Variants in PIAS2 observed in about 807,000 individuals in gnomAD.
PIAS2 encodes E3 SUMO-protein ligase PIAS2.
A neutral mutation model predicts 69.7 loss-of-function variants in PIAS2; 19 were observed. The ratio of observed to expected loss-of-function variants is 0.27; its 90% CI spans 0.19 to 0.40. The LOEUF (loss-of-function observed/expected upper bound fraction) is 0.40, where lower values mean the gene tolerates loss of function less well. Among genes scored for constraint, PIAS2 ranks in the 10% least tolerant of loss-of-function variants. PIAS2 has a pLI of 1.00. For synonymous variants in PIAS2, 261 were observed against 263.2 expected, an observed-to-expected ratio of 0.99 and a Z score of 0.08; for missense variants, 624 against 757.0, an observed-to-expected ratio of 0.82 and a Z score of 2.06.
At chr18:46,839,749 C>G (rs2045032830) in intron 8 of PIAS2, among the ~76,000 whole-genome samples, 1 of 151,652 alleles carries the variant, frequency 6.6e-6, no homozygotes, top group South Asian at 2.1e-4. Context: ...CCTGTAATCC[C>G]AGCTACTCGG....
chr18:46,916,125 A>C (rs2057846230), intron 1 of PIAS2, among the ~76,000 whole-genome samples: 1 of 152,188 alleles, frequency 6.6e-6, no homozygotes, highest in African/African-American at 2.4e-5. Flanking sequence ...ATTATTTTTG[A>C]AACAGCAGGA....
rs144496272 is a variant in PIAS2 at position 46,855,944 on chromosome 18, A to C, written c.585-329T>G. Among the ~76,000 whole-genome samples the C allele has an allele frequency of 6.2e-3, 937 of 150,184 alleles. 7 individuals carry two copies. The highest frequency in any genetic ancestry group is 0.022 in the African/African-American group (879 of 40,748). On this transcript the variant is annotated intron_variant, in intron 3 of 13. Transcript: ENST00000585916. ...GTTCGGAAAGAGTTTTAATCAGCAA[A>C]TCTATTTGCTTAGAGCATTCTAATC...
chr18:46,818,034 A>C (rs1451881526), intron 12 of PIAS2: 2 of 990,738 alleles, frequency 2.0e-6, no homozygotes, highest in East Asian at 2.2e-4. Context: ...AAAATGCTCA[A>C]TTACTTTTAA....
intron 11 of PIAS2, among the ~76,000 whole-genome samples, chr18:46,824,031 T>A (rs1331293773): frequency 6.6e-6 from 1 of 152,222 alleles, no homozygotes; most frequent in East Asian, 1.9e-4. Flanking sequence ...TACTGCCTCT[T>A]CATAGGATTG....
chr18:46,887,492 T>C (rs911364597), intron 2 of PIAS2, among the ~76,000 whole-genome samples: 3 of 152,248 alleles, frequency 2.0e-5, no homozygotes, highest in African/African-American at 7.2e-5. Flanking sequence ...TATGAAATGT[T>C]ACTTCCCAAT....
chr18:46,886,082 G>A (rs765737562), intron 2 of PIAS2, among the ~76,000 whole-genome samples: 22 of 152,146 alleles, frequency 1.4e-4, no homozygotes, highest in Non-Finnish European at 1.0e-4. Context: ...GAGTACCACT[G>A]AGCAAAAGCC....
chr18:46,842,518 G>A (rs2045571841), intron 8 of PIAS2, among the ~76,000 whole-genome samples: 1 of 152,126 alleles, frequency 6.6e-6, no homozygotes, highest in Non-Finnish European at 1.5e-5. Context: ...TCCCCATATG[G>A]TGACTGTATG....
At chr18:46,855,789 C>T (rs1401699562) in intron 3 of PIAS2, among the ~76,000 whole-genome samples, 174 bp from the exon 4 acceptor site, 1 of 152,098 alleles carries the variant, frequency 6.6e-6, no homozygotes, top group Non-Finnish European at 1.5e-5. Flanking sequence ...TGATGATAAA[C>T]CTGACTTGCT....
intron 1 of PIAS2, among the ~76,000 whole-genome samples, chr18:46,897,269 T>A (rs1000788368): frequency 6.6e-6 from 1 of 152,092 alleles, no homozygotes. Context: ...CCAGACTCCT[T>A]GGGGAAATAA....
At chr18:46,877,419 C>G (rs577549234) in intron 2 of PIAS2, among the ~76,000 whole-genome samples, 11 of 152,160 alleles carry the variant, frequency 7.2e-5, no homozygotes, top group African/African-American at 1.9e-4. Flanking sequence ...ACTTCTCCTG[C>G]GAGTCCCAAT....
chr18:46,920,058 C>T (rs1439871891), upstream of PIAS2: 5 of 1,289,412 alleles, frequency 3.9e-6, no homozygotes, highest in Non-Finnish European at 5.1e-6. Flanking sequence ...CTGAAACTTA[C>T]GTGCAGTGTT....
intron 10 of PIAS2, 22 bp from the exon 11 acceptor site, chr18:46,828,152 G>C (rs748891140): frequency 8.1e-5 from 126 of 1,556,756 alleles, no homozygotes; most frequent in Non-Finnish European, 1.1e-4. Context: ...GAAACAAAAG[G>C]AAAAAAAAAT....
chr18:46,816,446 G>T (rs1197259050), intron 12 of PIAS2: 1 of 984,832 alleles, frequency 1.0e-6, no homozygotes, highest in South Asian at 4.7e-5. Context: ...GATTTCTAAA[G>T]CCTTTTTGAA....
chr18:46,887,794 G>T (rs2053448909), intron 2 of PIAS2, among the ~76,000 whole-genome samples: 1 of 152,164 alleles, frequency 6.6e-6, no homozygotes, highest in South Asian at 2.1e-4. Context: ...AATAAGATTT[G>T]TATCTATTCC....
chr18:46,899,379 A>G (rs2055420809), intron 1 of PIAS2, among the ~76,000 whole-genome samples: 1 of 152,206 alleles, frequency 6.6e-6, no homozygotes, highest in Non-Finnish European at 1.5e-5. Flanking sequence ...AGCAAATGCA[A>G]AAGTCCTGAA....
At chr18:46,871,074 A>G (rs1213810965) in intron 2 of PIAS2, among the ~76,000 whole-genome samples, 1 of 152,230 alleles carries the variant, frequency 6.6e-6, no homozygotes, top group African/African-American at 2.4e-5. Context: ...GCCTAGACTT[A>G]GAAGACCCTC....
chr18:46,918,428 C>T (rs958034259), upstream of PIAS2, among the ~76,000 whole-genome samples: 2 of 152,174 alleles, frequency 1.3e-5, no homozygotes, highest in Admixed American at 1.3e-4. Context: ...TCCAGGTCTT[C>T]CTTCCACTCC....
intron 12 of PIAS2, chr18:46,817,730 T>C: frequency 5.3e-6 from 5 of 935,138 alleles, no homozygotes; most frequent in Non-Finnish European, 6.4e-6. Flanking sequence ...TTAATGTAAA[T>C]ATTTCTCTCA....
chr18:46,830,490 T>G (rs185622227), intron 9 of PIAS2, among the ~76,000 whole-genome samples: 1 of 151,964 alleles, frequency 6.6e-6, no homozygotes, highest in African/African-American at 2.4e-5. Flanking sequence ...ACTGAAGTAG[T>G]ATTTAAAGGA....
Sources: gnomAD v4.1 joint callset for allele counts (sites outside exome capture counted in the v4.1 genomes callset) on GRCh38, gnomAD v4.1.1 for gene constraint, MANE v1.5 for transcripts, NCBI Gene and HGNC (gene_info 2026-07-23, HGNC 2026-07-21) for gene names.